The following LRRC53 variants were observed in gnomAD, a reference collection of about 807,000 sequenced individuals.
The protein encoded by LRRC53 is leucine rich repeat containing 53.
Under a neutral mutation model 13.6 loss-of-function variants are expected in LRRC53, and 25 were observed. The observed-to-expected ratio is 1.83, with a 90% CI of 1.34 to 2.56. The LOEUF is 2.56. LRRC53 is among the 30% of genes most tolerant of loss of function. LRRC53 has a pLI of 0.00. For synonymous variants in LRRC53, 204 were observed against 109.8 expected, an observed-to-expected ratio of 1.86 and a Z score of -5.37; for missense variants, 527 against 275.8, an observed-to-expected ratio of 1.91 and a Z score of -6.45.
chr1:74,481,444 G>C lies in LRRC53; in HGVS notation c.89-476C>G, dbSNP rs1668497164. On this transcript the variant is annotated intron_variant, in intron 2 of 4. Coordinates refer to ENST00000294635, the MANE Select transcript of LRRC53 (RefSeq NM_001382280.1). ...AAGTCAATCATCTTTTCTCCCAAAA[G>C]TAAAGGTGCGAGTTGGGATGGGGAG... is the stretch of plus-strand genomic sequence containing the variant. Among the ~76,000 whole-genome samples the C allele has an allele frequency of 2.6e-5, 4 of 152,210 alleles. No homozygotes were observed. In the South Asian group the frequency reaches 8.3e-4, roughly 32 times the overall value.
chr1:74,469,931 G>A lies in LRRC53; in HGVS notation c.3691C>T (p.Leu1231=). 5.0e-6 allele frequency: 2 copies of A among 400,664 alleles called. No homozygotes were observed. The highest frequency in any genetic ancestry group is 1.3e-4 in the South Asian group (1 of 7,952). 24.8% of individuals were successfully genotyped at this position (400,664 alleles called of 1,614,324 possible). ...EAENSAPKPV[L]YPPSAEYATT... ...GCATATTCAGCAGATGGTGGATACA[G>A]TACAGGTTTTGGAGCAGAGTTTTCA... The change falls in exon 5 of 5, where the codon CTG becomes TTG. Residue 1231 remains leucine, a synonymous_variant. Coordinates refer to ENST00000294635, the MANE Select transcript of LRRC53 (RefSeq NM_001382280.1).
At chr1:74,499,709 G>A (rs1439196373) in intron 1 of LRRC53, among the ~76,000 whole-genome samples, 1 of 152,018 alleles carries the variant, frequency 6.6e-6, no homozygotes. Flanking sequence ...TTTGATTATA[G>A]ATATTTAAGC....
the LRRC53 span, among the ~76,000 whole-genome samples, chr1:74,530,332 T>C: frequency 6.6e-6 from 1 of 152,228 alleles, no homozygotes; most frequent in East Asian, 1.9e-4. Flanking sequence ...ACTTAATAAC[T>C]GCCTGGCTTA....
At chr1:74,520,431 C>G in the LRRC53 span, among the ~76,000 whole-genome samples, 16 of 152,048 alleles carry the variant, frequency 1.1e-4, no homozygotes, top group Non-Finnish European at 2.9e-5. Flanking sequence ...GGATTCTCCT[C>G]TCTTCTCCTT....
At chr1:74,524,734 G>A in the LRRC53 span, among the ~76,000 whole-genome samples, 1 of 151,434 alleles carries the variant, frequency 6.6e-6, no homozygotes, top group African/African-American at 2.4e-5. Flanking sequence ...TGAGAAGAGT[G>A]ACAGGCAACT....
At chr1:74,474,509 C>G (rs1354395989) in intron 4 of LRRC53, among the ~76,000 whole-genome samples, 1 of 152,158 alleles carries the variant, frequency 6.6e-6, no homozygotes, top group Non-Finnish European at 1.5e-5. Flanking sequence ...TTTCTTGATA[C>G]AGCACCTCTG....
intron 1 of LRRC53, among the ~76,000 whole-genome samples, chr1:74,498,325 G>C (rs1669439856): frequency 2.6e-5 from 4 of 152,096 alleles, no homozygotes; most frequent in Non-Finnish European, 5.9e-5. Flanking sequence ...ATGTCATGAA[G>C]AAGTATTTTC....
chr1:74,492,026 C>A, intron 1 of LRRC53: 2 of 1,385,098 alleles, frequency 1.4e-6, no homozygotes, highest in African/African-American at 1.4e-5. Context: ...AAAGTTAAAT[C>A]CATATTTTAT....
the LRRC53 span, among the ~76,000 whole-genome samples, chr1:74,533,281 C>A: frequency 6.6e-6 from 1 of 152,130 alleles, no homozygotes; most frequent in South Asian, 2.1e-4. Context: ...CAAAAGAAGA[C>A]ATTTATGCAG....
chr1:74,515,155 G>A (rs1646331305), upstream of LRRC53, among the ~76,000 whole-genome samples: 1 of 152,086 alleles, frequency 6.6e-6, no homozygotes, highest in Non-Finnish European at 1.5e-5. Flanking sequence ...AACAGTGAAA[G>A]AATACATTTC....
intron 1 of LRRC53, chr1:74,492,209 G>T: frequency 6.2e-7 from 1 of 1,612,978 alleles, no homozygotes; most frequent in East Asian, 2.2e-5. Flanking sequence ...GCATTAAGAA[G>T]TCGTTTCGAA....
At chr1:74,515,066 G>T (rs886125174), upstream of LRRC53, among the ~76,000 whole-genome samples, 1 of 152,140 alleles carries the variant, frequency 6.6e-6, no homozygotes, top group Non-Finnish European at 1.5e-5. Flanking sequence ...TAGGACATGG[G>T]CACAGAATTT....
upstream of LRRC53, among the ~76,000 whole-genome samples, chr1:74,515,397 T>C (rs1646335389): frequency 6.6e-6 from 1 of 152,168 alleles, no homozygotes; most frequent in South Asian, 2.1e-4. Flanking sequence ...TTTTTGGTGC[T>C]TTGTCAGAAA....
chr1:74,534,518 G>A, the LRRC53 span, among the ~76,000 whole-genome samples: 1 of 152,188 alleles, frequency 6.6e-6, no homozygotes, highest in Admixed American at 6.5e-5. Context: ...TGTTTTTAAG[G>A]CTCTAAATGG....
At chr1:74,476,414 A>G (rs1374321187) in intron 3 of LRRC53, among the ~76,000 whole-genome samples, 2 of 151,944 alleles carry the variant, frequency 1.3e-5, no homozygotes, top group Non-Finnish European at 2.9e-5. Flanking sequence ...TTTCACCCTT[A>G]TGAGGTGTAT....
At chr1:74,516,666 G>A (rs149526179), upstream of LRRC53, among the ~76,000 whole-genome samples, 17 of 152,248 alleles carry the variant, frequency 1.1e-4, no homozygotes, top group African/African-American at 3.6e-4. Flanking sequence ...GGTCAGCCAC[G>A]TTTAAAAAGA....
At chr1:74,482,099 G>T (rs1668534296) in intron 2 of LRRC53, among the ~76,000 whole-genome samples, 1 of 152,134 alleles carries the variant, frequency 6.6e-6, no homozygotes, top group Admixed American at 6.5e-5. Context: ...GGCCAGTTCG[G>T]CATTTTGTTT....
At chr1:74,532,689 A>G in the LRRC53 span, among the ~76,000 whole-genome samples, 6 of 151,658 alleles carry the variant, frequency 4.0e-5, no homozygotes, top group Admixed American at 2.6e-4. Context: ...TGTGTCCAAA[A>G]CAGCATGGTA....
intron 1 of LRRC53, among the ~76,000 whole-genome samples, chr1:74,490,050 T>TAAAAA (rs36063099): frequency 2.3e-5 from 1 of 42,892 alleles, no homozygotes; most frequent in African/African-American, 7.1e-5. Flanking sequence ...TTTTTTTTTC[T>TAAAAA]AAAAAAAAAA....
Sources: allele counts gnomAD v4.1 joint callset (sites outside exome capture counted in the v4.1 genomes callset), GRCh38; gene constraint gnomAD v4.1.1; transcripts MANE v1.5; gene names NCBI Gene and HGNC (gene_info 2026-07-23, HGNC 2026-07-21).